Variants in HTT observed in about 807,000 individuals in gnomAD.
The protein encoded by HTT is huntington disease protein.
HTT carries 104 observed loss-of-function variants against 362.3 expected under a neutral mutation model. The ratio of observed to expected loss-of-function variants is 0.29; its 90% CI spans 0.24 to 0.34. HTT has a LOEUF of 0.34. Ranked by LOEUF, HTT falls within the 10% of genes least tolerant of loss-of-function variation. HTT has a pLI of 1.00. For missense variants in HTT, 3,301 were observed against 3,928.6 expected (o/e 0.84, Z 4.27); for synonymous variants, 1,577 against 1,548.7 (o/e 1.02, Z -0.43).
intron 20 of HTT, 67 bp downstream of exon 20, chr4:3,136,034 G>T: frequency 8.4e-7 from 1 of 1,184,166 alleles, no homozygotes; most frequent in East Asian, 2.4e-5. Flanking sequence ...CTTTCCTTGT[G>T]GAATTTCTCT....
Position 3,074,720 on chromosome 4 carries a change from C to G in HTT, c.-106C>G, listed in dbSNP as rs899554316. On this transcript the variant is annotated 5_prime_UTR_variant, in exon 1 of 67. Coordinates refer to ENST00000355072, the MANE Select transcript of HTT (RefSeq NM_001388492.1). ...TCCAAGATGGACGGCCGCTCAGGTT[C>G]TGCTTTTACCTGCGGCCCAGAGCCC... 2.4e-6 allele frequency: 3 copies of G among 1,230,922 alleles called. No individual in the cohort carries two copies. Among genetic ancestry groups the G allele is most frequent in the Non-Finnish European group, 3.3e-6 (3 of 918,726 alleles). The allele number at this position is 1,230,922 out of a possible 1,614,324, so 76.2% of individuals were successfully genotyped here. A position where few individuals can be genotyped will look rare whatever the true frequency, so the allele number is the denominator to read the frequency against.
At chr4:3,075,149 C>A in intron 1 of HTT, 61 bp downstream of exon 1, 1 of 1,195,224 alleles carries the variant, frequency 8.4e-7, no homozygotes, top group South Asian at 4.1e-5. Flanking sequence ...GCGGGGATGG[C>A]GGTAACCCTG....
At chr4:3,194,102 T>C (rs1209961312) in intron 40 of HTT, among the ~76,000 whole-genome samples, 1 of 152,192 alleles carries the variant, frequency 6.6e-6, no homozygotes, top group African/African-American at 2.4e-5. Flanking sequence ...GCATGTAAAA[T>C]TGGTAATATG....
chr4:3,199,886 G>T lies in HTT; in HGVS notation c.5523G>T (p.Leu1841=). Reference sequence around the variant, plus strand: ...TGCTGCTCTGGTGTCAGATACTGCTGCTTGTCAACCACACCGACTACCGCT... The same window carrying T: ...TGCTGCTCTGGTGTCAGATACTGCTTCTTGTCAACCACACCGACTACCGCT... ...ALVLLWCQIL[L]LVNHTDYRWW... is the part of the protein sequence containing the mutation. The change falls in exon 41 of 67, where the codon CTG becomes CTT. Residue 1841 remains leucine (L), a synonymous_variant. Coordinates refer to ENST00000355072, the MANE Select transcript of HTT (RefSeq NM_001388492.1). 1.2e-6 allele frequency: 2 copies of T among 1,614,168 alleles called. No individual in the cohort carries two copies. The highest frequency in any genetic ancestry group is 1.7e-6 in the Non-Finnish European group (2 of 1,180,028).
intron 6 of HTT, among the ~76,000 whole-genome samples, chr4:3,108,203 C>T (rs1714537278): frequency 6.6e-6 from 1 of 152,180 alleles, no homozygotes; most frequent in African/African-American, 2.4e-5. Context: ...ACGGGAAGGG[C>T]TTAGATGTTA....
intron 7 of HTT, 68 bp from the exon 8 acceptor site, chr4:3,116,017 A>G: frequency 7.1e-7 from 1 of 1,412,356 alleles, no homozygotes; most frequent in Non-Finnish European, 9.9e-7. Context: ...CTTCTTTTTT[A>G]ACAGATTAAG....
At chr4:3,225,552 G>A in intron 56 of HTT, 109 bp from the exon 57 acceptor site, 1 of 877,058 alleles carries the variant, frequency 1.1e-6, no homozygotes, top group Non-Finnish European at 1.8e-6. Context: ...GGCGAGGGCA[G>A]GTGGCTCACG....
intron 28 of HTT, among the ~76,000 whole-genome samples, chr4:3,159,233 C>T (rs1038458522): frequency 2.0e-5 from 3 of 152,198 alleles, no homozygotes; most frequent in Non-Finnish European, 4.4e-5. Flanking sequence ...AGAACTTTTG[C>T]AGCTCTTCTG....
chr4:3,111,430 G>A (rs905543554), intron 6 of HTT, among the ~76,000 whole-genome samples: 1 of 152,138 alleles, frequency 6.6e-6, no homozygotes, highest in Admixed American at 6.5e-5. Context: ...CTGACCTCAG[G>A]TGATCCGCCT....
In HTT at chr4:3,189,075, A is replaced by T. The variant is rs745587725; in HGVS notation, c.5350A>T (p.Ile1784Phe). 9 of 1,614,134 alleles carry T rather than the reference A, an allele frequency of 5.6e-6. No individual in the cohort carries two copies. The highest frequency in any genetic ancestry group is 7.6e-6 in the Non-Finnish European group (9 of 1,179,992). ...ACTAGGCACACTGCTAATGTGTCTG[A>T]TCCACATCTTCAAGTCTGGTAGGTG... ...QELGTLLMCLIHIFKSGMFRR... is the reference protein window; with the variant it reads ...QELGTLLMCLFHIFKSGMFRR... Residue 1784 changes from isoleucine (I) to phenylalanine (F), a missense_variant, in exon 40 of 67, where the codon ATC (isoleucine) becomes TTC (phenylalanine). By Grantham distance (21) the Ile-to-Phe change is conservative. Around this residue, in one of 4 missense-constraint regions of HTT, gnomAD observed 2,316 missense variants for 2,658.5 expected, o/e 0.87. Transcript: ENST00000355072.
chr4:3,080,167 T>C (rs1350508392), intron 1 of HTT, among the ~76,000 whole-genome samples: 1 of 151,446 alleles, frequency 6.6e-6, no homozygotes, highest in Non-Finnish European at 1.5e-5. Flanking sequence ...TGATCTCAGC[T>C]CACTAAAACC....
In HTT at chr4:3,173,211, C is replaced by A. The variant is rs914753531; in HGVS notation, c.4166+80C>A. The A allele has an allele frequency of 6.9e-6, 8 of 1,156,186 alleles. No homozygotes were observed. In the Admixed American group the frequency reaches 8.9e-5, roughly 13 times the overall value. The allele number at this position is 1,156,186 out of a possible 1,614,324, so 71.6% of individuals were successfully genotyped here. A position where few individuals can be genotyped will look rare whatever the true frequency, so the allele number is the denominator to read the frequency against. ...GAAATACTTTGTAAAAGAATAAAAA[C>A]GAAAAATGTTAGCGAACATCTTCTA... On this transcript the variant is annotated intron_variant, in intron 31 of 66. Coordinates refer to ENST00000355072, the MANE Select transcript of HTT (RefSeq NM_001388492.1).
rs139313294 is a variant in HTT at position 3,132,378 on chromosome 4, C to A, written c.2237-184C>A. On this transcript the variant is annotated intron_variant, in intron 16 of 66. Transcript: ENST00000355072. Reference sequence around the variant, plus strand: ...GACATATTGGCAATATGATGAATCTCTAATTCTTAAATCCTGAAACTTTTT... The same window carrying A: ...GACATATTGGCAATATGATGAATCTATAATTCTTAAATCCTGAAACTTTTT... Among the ~76,000 whole-genome samples, 8 of 151,980 alleles carry A rather than the reference C, an allele frequency of 5.3e-5. No homozygotes were observed. The East Asian group carries it at 1.5e-3, about 29-fold the overall frequency.
At chr4:3,122,144 C>G (rs560457360) in intron 9 of HTT, among the ~76,000 whole-genome samples, 2 of 152,378 alleles carry the variant, frequency 1.3e-5, no homozygotes, top group East Asian at 3.9e-4. Context: ...TCTGCCTCCA[C>G]TGCCCAGTCA....
At chr4:3,115,224 T>C in intron 6 of HTT, 80 bp from the exon 7 acceptor site, 1 of 1,394,534 alleles carries the variant, frequency 7.2e-7, no homozygotes, top group Non-Finnish European at 9.9e-7. Context: ...AAACTTCTAA[T>C]TCACGTTAAG....
In HTT at chr4:3,074,718, T is replaced by A. The variant is rs2110128352; in HGVS notation, c.-108T>A. 8.3e-7 allele frequency: 1 copy of A among 1,207,086 alleles called. No homozygotes were observed. The highest frequency in any genetic ancestry group is 1.1e-6 in the Non-Finnish European group (1 of 899,434). 74.8% of individuals were successfully genotyped at this position (1,207,086 alleles called of 1,614,324 possible). A position where few individuals can be genotyped will look rare whatever the true frequency, so the allele number is the denominator to read the frequency against. ...GGTCCAAGATGGACGGCCGCTCAGG[T>A]TCTGCTTTTACCTGCGGCCCAGAGC... On this transcript the variant is annotated 5_prime_UTR_variant, in exon 1 of 67. Coordinates refer to ENST00000355072, the MANE Select transcript of HTT (RefSeq NM_001388492.1).
chr4:3,210,746 G>C (rs1051693975), intron 47 of HTT, among the ~76,000 whole-genome samples: 3 of 152,116 alleles, frequency 2.0e-5, no homozygotes, highest in African/African-American at 7.2e-5. Context: ...TGGGCACCTG[G>C]GAGGACAAAT....
chr4:3,225,813 C>G, intron 57 of HTT, 70 bp downstream of exon 57: 1 of 1,129,626 alleles, frequency 8.9e-7, no homozygotes, highest in South Asian at 1.4e-5. Flanking sequence ...TTGACACACC[C>G]AGGAGAAAAG....
chr4:3,161,060 A>G (rs569557321), intron 29 of HTT, among the ~76,000 whole-genome samples: 1 of 152,006 alleles, frequency 6.6e-6, no homozygotes, highest in Non-Finnish European at 1.5e-5. Flanking sequence ...TCCTAATGTT[A>G]TCCCTCCCCC....
Sources: allele counts gnomAD v4.1 joint callset (sites outside exome capture counted in the v4.1 genomes callset), GRCh38; gene constraint gnomAD v4.1.1; regional missense constraint gnomAD v4.1.1; transcripts MANE v1.5; gene names NCBI Gene and HGNC (gene_info 2026-07-23, HGNC 2026-07-21).